The following C1orf141 variants were observed in gnomAD, a reference collection of about 807,000 sequenced individuals.
The protein encoded by C1orf141 is chromosome 1 open reading frame 141.
A neutral mutation model predicts 23.2 loss-of-function variants in C1orf141; 19 were observed. The ratio of observed to expected loss-of-function variants is 0.82; its 90% CI spans 0.57 to 1.20. The LOEUF (loss-of-function observed/expected upper bound fraction) is 1.20. C1orf141 is among the 50% of genes most tolerant of loss of function. The pLI, the probability that C1orf141 is intolerant of heterozygous loss-of-function variation, is 0.00. For synonymous variants in C1orf141, 153 were observed against 154.6 expected, an observed-to-expected ratio of 0.99 and a Z score of 0.08; for missense variants, 469 against 455.1, an observed-to-expected ratio of 1.03 and a Z score of -0.28.
At chr1:67,112,584 C>T (rs925747831) in intron 5 of C1orf141, among the ~76,000 whole-genome samples, 1 of 151,896 alleles carries the variant, frequency 6.6e-6, no homozygotes, top group Admixed American at 6.6e-5. Flanking sequence ...TGTCTGTAGT[C>T]TCAGCTACTC....
chr1:67,125,240 A>T (rs1388415155), intron 4 of C1orf141, among the ~76,000 whole-genome samples: 1 of 152,166 alleles, frequency 6.6e-6, no homozygotes, highest in Non-Finnish European at 1.5e-5. Context: ...TGTAATTACC[A>T]TCTACACTAG....
chr1:67,131,749 C>T (rs968369361), intron 1 of C1orf141, among the ~76,000 whole-genome samples: 1 of 151,384 alleles, frequency 6.6e-6, no homozygotes, highest in African/African-American at 2.4e-5. Context: ...AGTCAAAAGC[C>T]TACTCTTTAT....
intron 5 of C1orf141, among the ~76,000 whole-genome samples, chr1:67,103,757 T>C (rs542281423): frequency 6.6e-6 from 1 of 152,230 alleles, no homozygotes; most frequent in East Asian, 1.9e-4. Context: ...TGACAAACTA[T>C]TACTCTCTCT....
chr1:67,118,872 C>T (rs1476633000), intron 4 of C1orf141, among the ~76,000 whole-genome samples: 1 of 152,202 alleles, frequency 6.6e-6, no homozygotes, highest in African/African-American at 2.4e-5. Flanking sequence ...TCTGCTGGAA[C>T]TTTGATCTTG....
chr1:67,124,224 G>A (rs888048689), intron 4 of C1orf141, among the ~76,000 whole-genome samples: 2 of 152,290 alleles, frequency 1.3e-5, no homozygotes, highest in South Asian at 4.1e-4. Context: ...AAGCTGCTTC[G>A]AGACAATCAG....
In C1orf141 at chr1:67,093,138, G is replaced by A. The variant is rs766369008; in HGVS notation, c.1070C>T (p.Thr357Met). 3.3e-5 allele frequency: 54 copies of A among 1,613,908 alleles called. No homozygotes were observed. Among genetic ancestry groups the A allele is most frequent in the East Asian group, 1.1e-4 (5 of 44,846 alleles). Residue 357 changes from threonine (T) to methionine (M), a missense_variant, in exon 8 of 8, where the codon ACG becomes ATG. Coordinates refer to ENST00000684719, the MANE Select transcript of C1orf141 (RefSeq NM_001276351.2). ...FERMFSAGKP[T>M]SIPTSSALPV... ...TAAGGCACTGGATGTGGGTATGCTC[G>A]TTGGTTTTCCTGCAGAAAACATTCT... is the stretch of plus-strand genomic sequence containing the variant.
At chr1:67,132,131 CTATT>C (rs1326222485) in intron 1 of C1orf141, among the ~76,000 whole-genome samples, 2 of 151,842 alleles carry the variant, frequency 1.3e-5, no homozygotes, top group Non-Finnish European at 2.9e-5. Context: ...CGGTGACAGT[CTATT>C]TATTGTGTGC....
At chr1:67,120,361 T>C (rs1221020893) in intron 4 of C1orf141, among the ~76,000 whole-genome samples, 1 of 152,174 alleles carries the variant, frequency 6.6e-6, no homozygotes, top group African/African-American at 2.4e-5. Flanking sequence ...GTTTGGACTT[T>C]AGAGTTGATG....
Position 67,125,786 on chromosome 1 carries a change from C to T in C1orf141, c.199G>A (p.Glu67Lys), listed in dbSNP as rs1558204180. 12 of 1,613,998 alleles carry T rather than the reference C, an allele frequency of 7.4e-6. No individual in the cohort carries two copies. The highest frequency in any genetic ancestry group is 9.3e-6 in the Non-Finnish European group (11 of 1,179,912). The change falls in exon 4 of 8, where the codon GAA becomes AAA. Residue 67 changes from glutamate (E) to lysine (K), a missense_variant. Glu to Lys is a moderately conservative substitution (Grantham distance 56). Around this residue, in one of 3 missense-constraint regions of C1orf141, gnomAD observed 95 missense variants for 90.3 expected, o/e 1.05. Coordinates refer to ENST00000684719, the MANE Select transcript of C1orf141 (RefSeq NM_001276351.2). ...SASKAISKIK[E>K]DKSCSITKSK... ...TTTGTAATGCTGCATGACTTGTCTT[C>T]TTTGATCTTTGATATTGCCTTAGAC... is the stretch of plus-strand genomic sequence containing the variant.
chr1:67,137,944 C>A (rs1179940765), upstream of C1orf141, among the ~76,000 whole-genome samples: 3 of 152,312 alleles, frequency 2.0e-5, no homozygotes, highest in Non-Finnish European at 4.4e-5. Context: ...CCTACACAAA[C>A]CATGAAGCCT....
At chr1:67,132,593 A>G (rs1477463222) in intron 1 of C1orf141, among the ~76,000 whole-genome samples, 3 of 152,168 alleles carry the variant, frequency 2.0e-5, no homozygotes, top group African/African-American at 7.2e-5. Context: ...TGAAGCAAGA[A>G]TTGACTTATC....
intron 5 of C1orf141, among the ~76,000 whole-genome samples, chr1:67,100,889 G>T (rs967708354): frequency 1.3e-5 from 2 of 152,168 alleles, no homozygotes; most frequent in African/African-American, 4.8e-5. Flanking sequence ...CTGGAGCCCT[G>T]GAAGATCGTG....
intron 5 of C1orf141, among the ~76,000 whole-genome samples, chr1:67,111,975 G>T (rs1646082483): frequency 6.6e-6 from 1 of 152,160 alleles, no homozygotes; most frequent in Non-Finnish European, 1.5e-5. Context: ...AAGAGAAATA[G>T]AAATAGTCCC....
chr1:67,124,529 G>T (rs1378524038), intron 4 of C1orf141, among the ~76,000 whole-genome samples: 1 of 152,100 alleles, frequency 6.6e-6, no homozygotes, highest in African/African-American at 2.4e-5. Flanking sequence ...ATGTTGCTCA[G>T]GCTGGTCTCA....
rs1570674785 is a variant in C1orf141 at position 67,096,281 on chromosome 1, A to G, written c.387T>C (p.Val129=). 1.3e-6 allele frequency: 2 copies of G among 1,531,868 alleles called. No individual in the cohort carries two copies. The highest frequency in any genetic ancestry group is 4.6e-5 in the East Asian group (2 of 43,938). 94.9% of individuals were successfully genotyped at this position (1,531,868 alleles called of 1,614,324 possible). ...EKKPRKPLDS[V]GLLEGDRNKR... ...TATTTCTATCACCTTCTAAGAGACC[A>G]ACAGAATCCAATGGTTTCCTAGGTT... The change falls in exon 6 of 8, where the codon GTT becomes GTC. Residue 129 remains valine (V), a synonymous_variant. Coordinates refer to ENST00000684719, the MANE Select transcript of C1orf141 (RefSeq NM_001276351.2).
chr1:67,107,650 A>G (rs1182923586), intron 5 of C1orf141, among the ~76,000 whole-genome samples: 1 of 152,150 alleles, frequency 6.6e-6, no homozygotes, highest in Non-Finnish European at 1.5e-5. Flanking sequence ...GCACTTTGGG[A>G]GGCTGAGGTG....
At chr1:67,138,325 A>G (rs903249959), upstream of C1orf141, among the ~76,000 whole-genome samples, 5 of 152,180 alleles carry the variant, frequency 3.3e-5, no homozygotes, top group Non-Finnish European at 7.3e-5. Context: ...TTGGTCACTT[A>G]ATGACCTTCT....
chr1:67,097,493 T>C (rs971497509), intron 5 of C1orf141, among the ~76,000 whole-genome samples: 6 of 152,156 alleles, frequency 3.9e-5, no homozygotes, highest in African/African-American at 1.4e-4. Context: ...CCAGTGTTGC[T>C]TGGGTGTGGT....
rs957294578 is a variant in C1orf141 at position 67,127,235 on chromosome 1, T to C, written c.6A>G (p.Ala2=). The change falls in exon 3 of 8, where the codon GCA becomes GCG. Residue 2 remains alanine, a synonymous_variant. Coordinates refer to ENST00000684719, the MANE Select transcript of C1orf141 (RefSeq NM_001276351.2). M[A]EKILEKLDVL... is the part of the protein sequence containing the mutation. ...CATCCAACTTCTCTAGGATTTTTTCTGCCATTGTCAATCACTAAATTCCTA... is the reference window on the plus strand; with the variant it reads ...CATCCAACTTCTCTAGGATTTTTTCCGCCATTGTCAATCACTAAATTCCTA... The C allele has an allele frequency of 6.2e-7, 1 of 1,601,404 alleles. No individual in the cohort carries two copies. The highest frequency in any genetic ancestry group is 1.3e-5 in the African/African-American group (1 of 74,620).
Sources: gnomAD v4.1 joint callset for allele counts (sites outside exome capture counted in the v4.1 genomes callset) on GRCh38, gnomAD v4.1.1 for gene constraint, gnomAD v4.1.1 regional missense constraint, MANE v1.5 for transcripts, NCBI Gene and HGNC (gene_info 2026-07-23, HGNC 2026-07-21) for gene names.